PCDHA7: variants seen among roughly 807,000 people sequenced by gnomAD.
The protein encoded by PCDHA7 is protocadherin alpha-7.
In PCDHA7, 37 loss-of-function variants were observed where a neutral mutation model predicts 57.2. That is an observed-to-expected ratio of 0.65 (90% CI 0.50 to 0.85). The LOEUF (loss-of-function observed/expected upper bound fraction) is 0.85, where lower values mean the gene tolerates loss of function less well. Ranked by LOEUF, PCDHA7 falls within the 40% of genes least tolerant of loss-of-function variation. The pLI, the probability that PCDHA7 is intolerant of heterozygous loss-of-function variation, is 0.00. For missense variants in PCDHA7, 1,188 were observed against 1,241.8 expected, an observed-to-expected ratio of 0.96 and a Z score of 0.65; for synonymous variants, 553 against 558.8, an observed-to-expected ratio of 0.99 and a Z score of 0.15.
At position 140,835,504 on chromosome 5, in the gene PCDHA7, T is replaced by A. The variant is rs2150237021; in HGVS notation, c.1121T>A (p.Val374Glu). Residue 374 changes from valine to glutamate, a missense_variant, in exon 1 of 4, where the codon GTG becomes GAG. Val to Glu is a moderately radical substitution (Grantham distance 121, BLOSUM62 -2). Transcript: ENST00000525929. ...QPGTVITLIS[V>E]FDRDFGVNGQ... ...GGTACCGTCATCACATTGATTAGCG[T>A]GTTTGACCGAGATTTTGGAGTCAAC... is the stretch of plus-strand genomic sequence containing the variant. 1 of 1,613,936 alleles carries A rather than the reference T, an allele frequency of 6.2e-7. No homozygotes were observed. The highest frequency in any genetic ancestry group is 1.3e-5 in the African/African-American group (1 of 75,044).
chr5:140,892,573 A>G (rs1299586046), intron 1 of PCDHA7, among the ~76,000 whole-genome samples: 1 of 152,210 alleles, frequency 6.6e-6, no homozygotes, highest in Non-Finnish European at 1.5e-5. Context: ...TGTCAAAAGT[A>G]TATCTCAGTA....
intron 1 of PCDHA7, among the ~76,000 whole-genome samples, chr5:140,973,003 C>T (rs1417207719): frequency 4.0e-5 from 6 of 151,856 alleles, no homozygotes; most frequent in African/African-American, 7.3e-5. Flanking sequence ...CATTTGTGGT[C>T]GTGGTGTTGT....
At chr5:140,943,112 G>A (rs1250060246) in intron 1 of PCDHA7, among the ~76,000 whole-genome samples, 1 of 151,850 alleles carries the variant, frequency 6.6e-6, no homozygotes, top group African/African-American at 2.4e-5. Flanking sequence ...ACAAAAATTA[G>A]CCAGGTGTGG....
chr5:140,882,998 C>T, intron 1 of PCDHA7: 1 of 1,614,066 alleles, frequency 6.2e-7, no homozygotes. Context: ...GGAATTTTAC[C>T]AATCCGTTTA....
At chr5:140,846,871 A>G (rs1338632636) in intron 1 of PCDHA7, among the ~76,000 whole-genome samples, 1 of 149,786 alleles carries the variant, frequency 6.7e-6, no homozygotes, top group Non-Finnish European at 1.5e-5. Flanking sequence ...AACAGGTACA[A>G]GAGGTAAATC....
chr5:140,876,106 C>G, intron 1 of PCDHA7: 1 of 1,613,942 alleles, frequency 6.2e-7, no homozygotes, highest in Admixed American at 1.7e-5. Context: ...CAATTTATTG[C>G]TGATGGTAAT....
At chr5:140,968,287 C>G (rs7712041) in intron 1 of PCDHA7, 1 of 1,613,902 alleles carries the variant, frequency 6.2e-7, no homozygotes, top group South Asian at 1.1e-5. Context: ...TGACCTACTC[C>G]CTTCTGGAGA....
At chr5:140,852,307 G>A (rs2042297271) in intron 1 of PCDHA7, 5 of 377,800 alleles carry the variant, frequency 1.3e-5, no homozygotes, top group African/African-American at 2.2e-5. Context: ...AGACGGAGTC[G>A]TTTTCTGCCA....
intron 1 of PCDHA7, among the ~76,000 whole-genome samples, chr5:140,921,089 T>C (rs2080011859): frequency 6.6e-6 from 1 of 151,966 alleles, no homozygotes; most frequent in African/African-American, 2.4e-5. Context: ...AAGAGAATCC[T>C]CCTGCCTCAG....
chr5:140,992,369 A>G (rs1554252849), intron 3 of PCDHA7, among the ~76,000 whole-genome samples: 1 of 152,188 alleles, frequency 6.6e-6, no homozygotes, highest in Non-Finnish European at 1.5e-5. Context: ...AATGGTTCCC[A>G]TTACATTATT....
intron 1 of PCDHA7, among the ~76,000 whole-genome samples, chr5:140,895,833 C>G (rs1325973837): frequency 2.0e-5 from 3 of 152,038 alleles, no homozygotes; most frequent in Non-Finnish European, 2.9e-5. Context: ...TTTTTTCAGA[C>G]AAAGTCTCAC....
chr5:140,870,264 G>C (rs1554163970), intron 1 of PCDHA7: 1 of 1,614,166 alleles, frequency 6.2e-7, no homozygotes, highest in South Asian at 1.1e-5. Context: ...TGACCTGCTC[G>C]CTGACGCCCC....
intron 1 of PCDHA7, among the ~76,000 whole-genome samples, chr5:140,916,315 A>C (rs1554197391): frequency 3.9e-5 from 6 of 152,204 alleles, no homozygotes; most frequent in Non-Finnish European, 8.8e-5. Context: ...GGTGCAAGAC[A>C]AAGTCCCCTT....
At chr5:140,865,904 T>A (rs1554159710) in intron 1 of PCDHA7, 1 of 152,148 alleles carries the variant, frequency 6.6e-6, no homozygotes. Context: ...TACAGGCAAA[T>A]CTTTCTTTCT....
At chr5:140,903,570 C>G (rs781884167) in intron 1 of PCDHA7, among the ~76,000 whole-genome samples, 3 of 152,154 alleles carry the variant, frequency 2.0e-5, no homozygotes, top group Non-Finnish European at 4.4e-5. Context: ...GAATTGGGAG[C>G]TGTCTAGCTG....
intron 1 of PCDHA7, chr5:140,843,878 T>A (rs1234503395): frequency 5.4e-6 from 4 of 744,588 alleles, no homozygotes; most frequent in Non-Finnish European, 8.7e-6. Context: ...CTCAGTGGCA[T>A]AATACAGTAT....
chr5:140,896,564 A>G (rs1475217228), intron 1 of PCDHA7, among the ~76,000 whole-genome samples: 1 of 150,096 alleles, frequency 6.7e-6, no homozygotes, highest in African/African-American at 2.5e-5. Flanking sequence ...TTAAGTAGAG[A>G]TGGGGTTTTG....
intron 1 of PCDHA7, among the ~76,000 whole-genome samples, chr5:140,954,317 G>A (rs571385484): frequency 2.6e-5 from 4 of 152,292 alleles, no homozygotes; most frequent in East Asian, 3.9e-4. Context: ...GGATTGCTGC[G>A]TCAAATGGTA....
At chr5:140,913,235 G>A (rs1554195817) in intron 1 of PCDHA7, among the ~76,000 whole-genome samples, 4 of 152,144 alleles carry the variant, frequency 2.6e-5, no homozygotes. Context: ...TTTGCTGGGA[G>A]ACTTTTTGTT....
Sources: gnomAD v4.1 joint callset for allele counts (sites outside exome capture counted in the v4.1 genomes callset) on GRCh38, gnomAD v4.1.1 for gene constraint, MANE v1.5 for transcripts, NCBI Gene and HGNC (gene_info 2026-07-23, HGNC 2026-07-21) for gene names.